The following GLO1 variants were observed in gnomAD, a reference collection of about 807,000 sequenced individuals.
The protein encoded by GLO1 is glyoxalase I.
GLO1 carries 28 observed loss-of-function variants against 26.0 expected under a neutral mutation model. The observed-to-expected ratio is 1.08, with a 90% CI of 0.80 to 1.48. The LOEUF (loss-of-function observed/expected upper bound fraction) is 1.48. Among genes scored for constraint, GLO1 ranks in the 40% most tolerant of loss-of-function variants. GLO1 has a pLI of 0.00. For missense variants in GLO1, 225 were observed against 224.8 expected, an observed-to-expected ratio of 1.00 and a Z score of -0.01; for synonymous variants, 78 against 77.6, an observed-to-expected ratio of 1.00 and a Z score of -0.03.
intron 5 of GLO1, among the ~76,000 whole-genome samples, chr6:38,678,738 T>C (rs563292741): frequency 7.2e-5 from 11 of 152,182 alleles, no homozygotes; most frequent in Non-Finnish European, 1.6e-4. Flanking sequence ...CAGCCCTCTC[T>C]CCACGCCCAG....
chr6:38,695,011 T>G (rs1562489676), intron 1 of GLO1, among the ~76,000 whole-genome samples: 1 of 152,250 alleles, frequency 6.6e-6, no homozygotes, highest in Admixed American at 6.5e-5. Context: ...GAGTTTCATG[T>G]AGACAGCATA....
chr6:38,683,669 C>T (rs752172086), intron 3 of GLO1, among the ~76,000 whole-genome samples: 1 of 152,038 alleles, frequency 6.6e-6, no homozygotes, highest in Non-Finnish European at 1.5e-5. Flanking sequence ...AGACAGATCA[C>T]GAGGTCAGGA....
intron 1 of GLO1, among the ~76,000 whole-genome samples, chr6:38,687,654 T>G (rs1004825217): frequency 2.0e-5 from 3 of 152,160 alleles, no homozygotes; most frequent in Non-Finnish European, 4.4e-5. Flanking sequence ...GAGAAAAGGG[T>G]AGAAGGTATG....
intron 5 of GLO1, among the ~76,000 whole-genome samples, chr6:38,679,847 A>G (rs1175434733): frequency 6.6e-6 from 1 of 152,152 alleles, no homozygotes; most frequent in Non-Finnish European, 1.5e-5. Context: ...TGAAAAAAAG[A>G]ACAAGAACAT....
At chr6:38,678,715 C>T (rs765122853) in intron 5 of GLO1, among the ~76,000 whole-genome samples, 9 of 152,136 alleles carry the variant, frequency 5.9e-5, no homozygotes, top group Non-Finnish European at 1.0e-4. Flanking sequence ...CTGGTAGGGC[C>T]GAATGATCTC....
intron 1 of GLO1, among the ~76,000 whole-genome samples, chr6:38,699,413 C>T (rs192495962): frequency 3.0e-4 from 45 of 152,108 alleles, no homozygotes; most frequent in African/African-American, 1.1e-3. Context: ...GAAATCGGCG[C>T]ACCTTGAAAA....
intron 3 of GLO1, among the ~76,000 whole-genome samples, chr6:38,683,899 A>C (rs1582775482): frequency 6.7e-6 from 1 of 150,166 alleles, no homozygotes; most frequent in African/African-American, 2.5e-5. Flanking sequence ...AAAATAAATA[A>C]ATAAATAAAT....
intron 5 of GLO1, among the ~76,000 whole-genome samples, chr6:38,678,861 T>C (rs1761317795): frequency 6.6e-6 from 1 of 151,442 alleles, no homozygotes; most frequent in Admixed American, 6.6e-5. Context: ...TAAATTTAAG[T>C]CTCATTTCTA....
chr6:38,683,893 T>A (rs947695756), intron 3 of GLO1, among the ~76,000 whole-genome samples: 6 of 149,630 alleles, frequency 4.0e-5, no homozygotes, highest in African/African-American at 9.9e-5. Flanking sequence ...TCTCAAAAAA[T>A]AAATAAATAA....
chr6:38,701,156 G>C (rs1411112708), intron 1 of GLO1, among the ~76,000 whole-genome samples: 2 of 147,714 alleles, frequency 1.4e-5, no homozygotes, highest in Non-Finnish European at 2.9e-5. Flanking sequence ...AGCAGAACAG[G>C]GTGGAGGTTG....
intron 5 of GLO1, among the ~76,000 whole-genome samples, chr6:38,681,369 TTAAG>T (rs1761377295): frequency 6.6e-6 from 1 of 152,152 alleles, no homozygotes; most frequent in Admixed American, 6.5e-5. Flanking sequence ...GCACTGGATA[TTAAG>T]TATTTTAATT....
intron 1 of GLO1, among the ~76,000 whole-genome samples, chr6:38,695,230 G>A (rs1234401116): frequency 6.6e-6 from 1 of 151,884 alleles, no homozygotes; most frequent in Non-Finnish European, 1.5e-5. Flanking sequence ...TCATTTATCT[G>A]TAGTGTTTTT....
intron 2 of GLO1, among the ~76,000 whole-genome samples, chr6:38,686,586 G>T (rs997872762): frequency 6.6e-6 from 1 of 152,166 alleles, no homozygotes; most frequent in Non-Finnish European, 1.5e-5. Flanking sequence ...TAAACAAGAG[G>T]CTAAAAGTGG....
intron 2 of GLO1, among the ~76,000 whole-genome samples, chr6:38,684,780 T>C (rs887558458): frequency 6.6e-6 from 1 of 152,232 alleles, no homozygotes; most frequent in Non-Finnish European, 1.5e-5. Flanking sequence ...ATGGTACTTG[T>C]TAATAAATAG....
intron 3 of GLO1, among the ~76,000 whole-genome samples, chr6:38,683,381 TAAAAATACCAAATTTGAATGTTA>T (rs1186004051): frequency 6.6e-6 from 1 of 152,224 alleles, no homozygotes; most frequent in Non-Finnish European, 1.5e-5. Context: ...GCTCAAGTTA[TAAAAATACCAAATTTGAATGTTA>T]ATTATTACAA....
intron 2 of GLO1, 37 bp downstream of exon 2, chr6:38,686,855 A>G (rs1315885812): frequency 9.1e-7 from 1 of 1,102,412 alleles, no homozygotes; most frequent in African/African-American, 1.6e-5. Flanking sequence ...AAAGCTATAT[A>G]TTTAAACATT....
At chr6:38,686,853 A>G in intron 2 of GLO1, 39 bp downstream of exon 2, 2 of 1,069,880 alleles carry the variant, frequency 1.9e-6, no homozygotes, top group Non-Finnish European at 2.9e-6. Context: ...GCAAAGCTAT[A>G]TATTTAAACA....
At chr6:38,684,756 A>G (rs1294292428) in intron 2 of GLO1, among the ~76,000 whole-genome samples, 1 of 152,234 alleles carries the variant, frequency 6.6e-6, no homozygotes, top group Non-Finnish European at 1.5e-5. Flanking sequence ...ATATAGTAAC[A>G]TTTAGCTGAA....
At chr6:38,702,613 G>A (rs1761721394) in intron 1 of GLO1, among the ~76,000 whole-genome samples, 2 of 152,122 alleles carry the variant, frequency 1.3e-5, no homozygotes, top group South Asian at 4.1e-4. Flanking sequence ...ACTGGTACAG[G>A]ACAGGCATCT....
Sources: allele counts gnomAD v4.1 joint callset (sites outside exome capture counted in the v4.1 genomes callset), GRCh38; gene constraint gnomAD v4.1.1; transcripts MANE v1.5; gene names NCBI Gene and HGNC (gene_info 2026-07-23, HGNC 2026-07-21).